The following SMAP1 variants were observed in gnomAD, a reference collection of about 807,000 sequenced individuals.
SMAP1 encodes stromal membrane-associated protein 1.
In SMAP1, 24 loss-of-function variants were observed where a neutral mutation model predicts 58.5. The ratio of observed to expected loss-of-function variants is 0.41; its 90% CI spans 0.30 to 0.58. SMAP1 has a LOEUF of 0.58. Ranked by LOEUF, SMAP1 falls within the 20% of genes least tolerant of loss-of-function variation. SMAP1 has a pLI of 0.29. For missense variants in SMAP1, 563 were observed against 566.3 expected, an observed-to-expected ratio of 0.99 and a Z score of 0.06; for synonymous variants, 216 against 196.6, an observed-to-expected ratio of 1.10 and a Z score of -0.82.
At position 70,797,900 on chromosome 6, in the gene SMAP1, C is replaced by A. The variant is rs114388040; in HGVS notation, c.496-757C>A. 4.2e-3 allele frequency among the ~76,000 whole-genome samples: 643 copies of A among 152,188 alleles called. 7 individuals are homozygous for A. The highest frequency in any genetic ancestry group is 0.015 in the African/African-American group (625 of 41,558). Reference sequence around the variant, plus strand: ...TCATCTCTTTCCTCTAAATGCCTTACGAATGCTCTTTGTTTAATCTCTTTT... The same window carrying A: ...TCATCTCTTTCCTCTAAATGCCTTAAGAATGCTCTTTGTTTAATCTCTTTT... On this transcript the variant is annotated intron_variant, in intron 5 of 10. Coordinates refer to ENST00000370455, the MANE Select transcript of SMAP1 (RefSeq NM_001044305.3).
chr6:70,707,776 C>G (rs1212169519), intron 1 of SMAP1, among the ~76,000 whole-genome samples: 1 of 152,032 alleles, frequency 6.6e-6, no homozygotes, highest in Non-Finnish European at 1.5e-5. Context: ...AGCTAATTTT[C>G]ATATTTTTAG....
rs945088484 is a variant in SMAP1 at position 70,860,678 on chromosome 6, C to T, written c.*344C>T. 2.2e-5 allele frequency: 9 copies of T among 410,440 alleles called. No homozygotes were observed. Among genetic ancestry groups the T allele is most frequent in the African/African-American group, 1.8e-4 (9 of 48,816 alleles). The allele number at this position is 410,440 out of a possible 1,614,324, so 25.4% of individuals were successfully genotyped here. ...GGAAGTAGTTATCATGTTAGTAATA[C>T]CTCTAATAGTATAAACCCCACCCCA... On this transcript the variant is annotated 3_prime_UTR_variant, in exon 11 of 11. Transcript: ENST00000370455.
rs1232291752 is a variant in SMAP1, at chr6:70,668,023, G to A, written c.-1G>A. The A allele has an allele frequency of 6.3e-7, 1 of 1,592,474 alleles. No homozygotes were observed. The highest frequency in any genetic ancestry group is 1.7e-5 in the Admixed American group (1 of 57,682). ...CCCAGGCTCCCCGCCCCGCTGCCGAGATGGCGACGCGCTCCTGTCGGGAGA... is the reference window on the plus strand; with the variant it reads ...CCCAGGCTCCCCGCCCCGCTGCCGAAATGGCGACGCGCTCCTGTCGGGAGA... On this transcript the variant is annotated 5_prime_UTR_variant, in exon 1 of 11. Coordinates refer to ENST00000370455, the MANE Select transcript of SMAP1 (RefSeq NM_001044305.3).
chr6:70,785,809 A>C (rs1217782140), intron 4 of SMAP1, among the ~76,000 whole-genome samples: 1 of 152,242 alleles, frequency 6.6e-6, no homozygotes, highest in South Asian at 2.1e-4. Context: ...GGCAATAATC[A>C]ATAGTTTACC....
rs767976412 is a variant in SMAP1, at chr6:70,668,020, C to G, written c.-4C>G. On this transcript the variant is annotated 5_prime_UTR_variant, in exon 1 of 11. Coordinates refer to ENST00000370455, the MANE Select transcript of SMAP1 (RefSeq NM_001044305.3). ...TGCCCCAGGCTCCCCGCCCCGCTGCCGAGATGGCGACGCGCTCCTGTCGGG... is the reference window on the plus strand; with the variant it reads ...TGCCCCAGGCTCCCCGCCCCGCTGCGGAGATGGCGACGCGCTCCTGTCGGG... 2 of 1,590,592 alleles carry G rather than the reference C, an allele frequency of 1.3e-6. No homozygotes were observed. The highest frequency in any genetic ancestry group is 2.3e-5 in the South Asian group (2 of 88,612).
intron 2 of SMAP1, among the ~76,000 whole-genome samples, chr6:70,742,716 C>T (rs1490860456): frequency 6.6e-6 from 1 of 152,128 alleles, no homozygotes; most frequent in Non-Finnish European, 1.5e-5. Flanking sequence ...TTTCATGCTG[C>T]TGATAAAGAC....
chr6:70,773,118 G>T (rs768153093), intron 3 of SMAP1: 14 of 368,394 alleles, frequency 3.8e-5, no homozygotes, highest in African/African-American at 4.2e-5. Context: ...TTTCTTTCTA[G>T]AATTAGTTTG....
intron 1 of SMAP1, among the ~76,000 whole-genome samples, chr6:70,695,751 G>A (rs911788148): frequency 3.9e-5 from 6 of 151,982 alleles, no homozygotes; most frequent in Admixed American, 1.3e-4. Context: ...TCTTTGATGT[G>A]TCTGTCTGGT....
chr6:70,684,286 G>T (rs1211443291), intron 1 of SMAP1, among the ~76,000 whole-genome samples: 1 of 152,194 alleles, frequency 6.6e-6, no homozygotes, highest in African/African-American at 2.4e-5. Flanking sequence ...TTTTGTGTTT[G>T]AGAGAGATTG....
intron 5 of SMAP1, among the ~76,000 whole-genome samples, chr6:70,793,629 G>A (rs1329141998): frequency 6.8e-6 from 1 of 147,758 alleles, no homozygotes; most frequent in East Asian, 2.0e-4. Context: ...GGAAAGAAAA[G>A]GGGAGGAGAG....
At chr6:70,854,454 T>G (rs1359176709) in intron 8 of SMAP1, among the ~76,000 whole-genome samples, 2 of 152,012 alleles carry the variant, frequency 1.3e-5, no homozygotes, top group African/African-American at 4.8e-5. Flanking sequence ...AAACCCCATC[T>G]CTCCTTAAAA....
At chr6:70,700,284 G>C (rs969144529) in intron 1 of SMAP1, among the ~76,000 whole-genome samples, 1 of 152,202 alleles carries the variant, frequency 6.6e-6, no homozygotes, top group Non-Finnish European at 1.5e-5. Context: ...TGTACAGCCA[G>C]CAGAACAGTG....
chr6:70,801,474 T>C (rs545819886), intron 6 of SMAP1, among the ~76,000 whole-genome samples: 6 of 152,284 alleles, frequency 3.9e-5, no homozygotes, highest in African/African-American at 1.2e-4. Context: ...TGCCTGTTCA[T>C]GCTGATGGTA....
chr6:70,852,969 G>A (rs1033950148), intron 8 of SMAP1, among the ~76,000 whole-genome samples: 10 of 152,146 alleles, frequency 6.6e-5, no homozygotes, highest in Non-Finnish European at 1.3e-4. Context: ...TGTCTTTAAA[G>A]TTCTAACCCT....
At chr6:70,779,135 T>G (rs1199047416) in intron 4 of SMAP1, among the ~76,000 whole-genome samples, 1 of 152,208 alleles carries the variant, frequency 6.6e-6, no homozygotes, top group African/African-American at 2.4e-5. Flanking sequence ...CTTCAGCTCC[T>G]TATATCCTGG....
chr6:70,717,100 T>C (rs1393373229), intron 1 of SMAP1, among the ~76,000 whole-genome samples: 1 of 152,160 alleles, frequency 6.6e-6, no homozygotes, highest in Non-Finnish European at 1.5e-5. Context: ...TCTCCAGTAA[T>C]TAGGGTGTGC....
At chr6:70,775,484 A>G (rs1414308882) in intron 4 of SMAP1, among the ~76,000 whole-genome samples, 2 of 152,166 alleles carry the variant, frequency 1.3e-5, no homozygotes, top group African/African-American at 4.8e-5. Context: ...TCCTTCATTT[A>G]TAAGATACGT....
chr6:70,679,801 G>T (rs964928045), intron 1 of SMAP1, among the ~76,000 whole-genome samples: 2 of 152,146 alleles, frequency 1.3e-5, no homozygotes, highest in Non-Finnish European at 1.5e-5. Flanking sequence ...TAAGATGTCA[G>T]TTCTCTCCAA....
rs1771450886 is a variant in SMAP1 at position 70,856,954 on chromosome 6, G to A, written c.885G>A (p.Val295=). 1 of 1,613,866 alleles carries A rather than the reference G, an allele frequency of 6.2e-7. No homozygotes were observed. Among genetic ancestry groups the A allele is most frequent in the Non-Finnish European group, 8.5e-7 (1 of 1,179,848 alleles). The part of the protein sequence containing the change: ...FTEQTTKSEE[V]AKKQLSKDSI... Reference sequence around the variant, plus strand: ...AGCAAACTACAAAATCAGAAGAAGTGGCAAAGAAACAACTTTCCAAAGACT... The same window carrying A: ...AGCAAACTACAAAATCAGAAGAAGTAGCAAAGAAACAACTTTCCAAAGACT... The change falls in exon 9 of 11, where the codon GTG becomes GTA. Residue 295 remains valine (V), a synonymous_variant. Transcript: ENST00000370455.
Sources: allele counts gnomAD v4.1 joint callset (sites outside exome capture counted in the v4.1 genomes callset), GRCh38; gene constraint gnomAD v4.1.1; transcripts MANE v1.5; gene names NCBI Gene and HGNC (gene_info 2026-07-23, HGNC 2026-07-21).